The following ARHGEF38 variants were observed in gnomAD, a reference collection of about 807,000 sequenced individuals.
ARHGEF38 encodes Rho guanine nucleotide exchange factor (GEF) 38.
Under a neutral mutation model 79.9 loss-of-function variants are expected in ARHGEF38, and 79 were observed. That is an observed-to-expected ratio of 0.99 (90% confidence interval 0.82 to 1.19). ARHGEF38 has a LOEUF of 1.19. ARHGEF38 is among the 50% of genes most tolerant of loss of function. The pLI, the probability that ARHGEF38 is intolerant of heterozygous loss-of-function variation, is 0.00. For synonymous variants in ARHGEF38, 366 were observed against 328.3 expected (o/e 1.11, Z -1.24); for missense variants, 962 against 907.2 (o/e 1.06, Z -0.78).
intron 1 of ARHGEF38, among the ~76,000 whole-genome samples, chr4:105,560,382 A>G (rs1560683025): frequency 6.6e-6 from 1 of 152,138 alleles, no homozygotes; most frequent in Non-Finnish European, 1.5e-5. Flanking sequence ...GTTGTCATTT[A>G]TTTGCATCTC....
At chr4:105,571,960 A>G (rs1466586891) in intron 1 of ARHGEF38, among the ~76,000 whole-genome samples, 1 of 152,228 alleles carries the variant, frequency 6.6e-6, no homozygotes, top group Non-Finnish European at 1.5e-5. Flanking sequence ...TGTACATGAT[A>G]TATAGTCAAA....
chr4:105,552,819 T>C lies in ARHGEF38; in HGVS notation c.54T>C (p.Asn18=). Residue 18 remains asparagine (N), a synonymous_variant, in exon 1 of 14, where the codon AAT becomes AAC. Transcript: ENST00000420470. Reference sequence around the variant, plus strand: ...AAAACATGGTCACCAAGAAAAAGAATCTGGCCTTCTTGAGGTCTAGACTCT... The same window carrying C: ...AAAACATGGTCACCAAGAAAAAGAACCTGGCCTTCTTGAGGTCTAGACTCT... ...GKENMVTKKK[N]LAFLRSRLYM... is the part of the protein sequence containing the mutation. 1.2e-6 allele frequency: 2 copies of C among 1,612,908 alleles called. No homozygotes were observed. Among genetic ancestry groups the C allele is most frequent in the Non-Finnish European group, 1.7e-6 (2 of 1,179,606 alleles).
chr4:105,636,855 A>C (rs1729417178), intron 5 of ARHGEF38, among the ~76,000 whole-genome samples: 1 of 152,090 alleles, frequency 6.6e-6, no homozygotes, highest in Non-Finnish European at 1.5e-5. Context: ...TCTAATTTCA[A>C]GTCTTGTATG....
In ARHGEF38 at chr4:105,561,464, A is replaced by AATG. The variant is rs1578253558; in HGVS notation, c.196+8503_196+8504insATG. 90 of 44,592 alleles carry AATG rather than the reference A, an allele frequency of 2.0e-3. 10 individuals carry two copies. The highest frequency in any genetic ancestry group is 0.011 in the Middle Eastern group (1 of 88). The allele number at this position is 44,592 out of a possible 1,614,324, so 2.8% of individuals were successfully genotyped here. A position where few individuals can be genotyped will look rare whatever the true frequency, so the allele number is the denominator to read the frequency against. Reference sequence around the variant, plus strand: ...AGAATAGAATGGAATAGAATAGAATAGAATAGAATAGAATAGAATAGAATA... The same window carrying AATG: ...AGAATAGAATGGAATAGAATAGAATAATGGAATAGAATAGAATAGAATAGAATA... On this transcript the variant is annotated intron_variant, in intron 1 of 13. Coordinates refer to ENST00000420470, the MANE Select transcript of ARHGEF38 (RefSeq NM_001242729.2).
rs534997200 is a variant in ARHGEF38 at position 105,650,500 on chromosome 4, T to C, written c.1008+1818T>C. ...TGGAGTTATTTAAAATAGCCAGTCCTAAACTCTTTACTCTGCCCCTGCCTC... is the reference window on the plus strand; with the variant it reads ...TGGAGTTATTTAAAATAGCCAGTCCCAAACTCTTTACTCTGCCCCTGCCTC... On this transcript the variant is annotated intron_variant, in intron 7 of 13. Transcript: ENST00000420470. Among the ~76,000 whole-genome samples, 13 of 152,322 alleles carry C rather than the reference T, an allele frequency of 8.5e-5. No individual in the cohort carries two copies. The South Asian group carries it at 2.7e-3, about 32-fold the overall frequency.
intron 2 of ARHGEF38, among the ~76,000 whole-genome samples, chr4:105,607,070 A>G (rs1316650217): frequency 1.3e-5 from 2 of 152,086 alleles, no homozygotes; most frequent in Non-Finnish European, 2.9e-5. Context: ...CACCTAAGAA[A>G]GTTTGGTTTT....
chr4:105,571,935 A>G (rs181073685), intron 1 of ARHGEF38, among the ~76,000 whole-genome samples: 1 of 152,354 alleles, frequency 6.6e-6, no homozygotes, highest in East Asian at 1.9e-4. Flanking sequence ...GCGAAAGTAC[A>G]TTAGTCCTGT....
At chr4:105,604,149 C>T (rs1349158381) in intron 2 of ARHGEF38, among the ~76,000 whole-genome samples, 1 of 152,052 alleles carries the variant, frequency 6.6e-6, no homozygotes, top group Non-Finnish European at 1.5e-5. Flanking sequence ...CACGAAGAGC[C>T]CCATGCCAGA....
chr4:105,665,859 G>A (rs1232659119), intron 10 of ARHGEF38, among the ~76,000 whole-genome samples: 4 of 152,062 alleles, frequency 2.6e-5, no homozygotes, highest in African/African-American at 9.7e-5. Flanking sequence ...GCTTTCCCTT[G>A]CCACCATCCT....
intron 2 of ARHGEF38, among the ~76,000 whole-genome samples, chr4:105,601,287 A>C (rs947693524): frequency 1.3e-5 from 2 of 152,096 alleles, no homozygotes; most frequent in Admixed American, 1.3e-4. Context: ...CTTTGCCTTG[A>C]ATGCTCTTCC....
chr4:105,642,631 A>T (rs1038980217), intron 5 of ARHGEF38, among the ~76,000 whole-genome samples: 1 of 152,208 alleles, frequency 6.6e-6, no homozygotes. Flanking sequence ...GATGTACTCT[A>T]TCAAAATGAG....
At position 105,667,599 on chromosome 4, in the gene ARHGEF38, T is replaced by C. The variant is rs775443169; in HGVS notation, c.2044T>C (p.Ser682Pro). 1.3e-6 allele frequency: 2 copies of C among 1,536,690 alleles called. No individual in the cohort carries two copies. Among genetic ancestry groups the C allele is most frequent in the South Asian group, 1.2e-5 (1 of 84,062 alleles). ...RPASDSVTGTSESSIGDSSSS... is the reference protein window; with the variant it reads ...RPASDSVTGTPESSIGDSSSS... ...AGCTAGTGACAGTGTCACAGGCACCTCAGAAAGCAGCATTGGTGATAGCAG... is the reference window on the plus strand; with the variant it reads ...AGCTAGTGACAGTGTCACAGGCACCCCAGAAAGCAGCATTGGTGATAGCAG... Residue 682 changes from serine (S) to proline (P), a missense_variant, in exon 13 of 14, where the codon TCA becomes CCA. Coordinates refer to ENST00000420470, the MANE Select transcript of ARHGEF38 (RefSeq NM_001242729.2).
At chr4:105,646,691 A>C (rs1729855813) in intron 6 of ARHGEF38, among the ~76,000 whole-genome samples, 1 of 152,180 alleles carries the variant, frequency 6.6e-6, no homozygotes, top group African/African-American at 2.4e-5. Flanking sequence ...CATTGTTCAT[A>C]AATGCAAATA....
Position 105,648,335 on chromosome 4 carries a change from G to A in ARHGEF38, c.875-214G>A, listed in dbSNP as rs190286833. Reference sequence around the variant, plus strand: ...ATAAATCAAACTTAATCCTTGAGGGGCTTTTGTCCTTGTTTCTGGAGGTCA... The same window carrying A: ...ATAAATCAAACTTAATCCTTGAGGGACTTTTGTCCTTGTTTCTGGAGGTCA... On this transcript the variant is annotated intron_variant, in intron 6 of 13. Coordinates refer to ENST00000420470, the MANE Select transcript of ARHGEF38 (RefSeq NM_001242729.2). 3.0e-3 allele frequency among the ~76,000 whole-genome samples: 463 copies of A among 152,130 alleles called. 2 individuals are homozygous for A. Among genetic ancestry groups the A allele is most frequent in the Non-Finnish European group, 4.0e-3 (272 of 67,998 alleles).
At chr4:105,572,845 C>A (rs756756200) in intron 1 of ARHGEF38, among the ~76,000 whole-genome samples, 2 of 152,072 alleles carry the variant, frequency 1.3e-5, no homozygotes, top group Non-Finnish European at 2.9e-5. Flanking sequence ...GCAATCCTAC[C>A]AACAATACTC....
intron 6 of ARHGEF38, among the ~76,000 whole-genome samples, chr4:105,647,518 A>T (rs889459543): frequency 2.0e-5 from 3 of 152,214 alleles, no homozygotes; most frequent in African/African-American, 7.2e-5. Context: ...TAGAAAAAAA[A>T]TACTCTAACA....
chr4:105,631,512 T>A (rs899398595), intron 4 of ARHGEF38: 18 of 985,496 alleles, frequency 1.8e-5, no homozygotes, highest in Non-Finnish European at 2.0e-5. Flanking sequence ...TCAGGCCTTG[T>A]TAAAGTTAGT....
chr4:105,657,330 G>C (rs1188897600), intron 9 of ARHGEF38, among the ~76,000 whole-genome samples: 1 of 152,078 alleles, frequency 6.6e-6, no homozygotes, highest in African/African-American at 2.4e-5. Flanking sequence ...AAAACCACAA[G>C]ATGATTAATT....
At chr4:105,599,429 A>G (rs1260946919) in intron 2 of ARHGEF38, among the ~76,000 whole-genome samples, 1 of 152,188 alleles carries the variant, frequency 6.6e-6, no homozygotes, top group Non-Finnish European at 1.5e-5. Context: ...AGATGTGTTA[A>G]GCGGATCTGT....
Sources: gnomAD v4.1 joint callset for allele counts (sites outside exome capture counted in the v4.1 genomes callset) on GRCh38, gnomAD v4.1.1 for gene constraint, MANE v1.5 for transcripts, NCBI Gene and HGNC (gene_info 2026-07-23, HGNC 2026-07-21) for gene names.